GPM6B: variants seen among roughly 807,000 people sequenced by gnomAD.
GPM6B encodes the protein neuronal membrane glycoprotein M6-b.
In GPM6B, 4 loss-of-function variants were observed where a neutral mutation model predicts 27.2. The observed-to-expected ratio is 0.15, with a 90% CI of 0.07 to 0.34. GPM6B has a LOEUF of 0.34. GPM6B is among the 10% of genes least tolerant of loss of function. The pLI is 1.00. For synonymous variants in GPM6B, 124 were observed against 103.1 expected (o/e 1.20, Z -1.23); for missense variants, 183 against 261.9 (o/e 0.70, Z 2.08).
In GPM6B at chrX:13,839,443, G is replaced by A. The variant is rs1259582069; in HGVS notation, c.-197-53635C>T. On this transcript the variant is annotated intron_variant, in intron 1 of 6. Coordinates refer to the GPM6B transcript ENST00000398361. ...ACCTCTTGAGACTGTGCCTTGGGCCGTGGTCACTCATATTTGGCTCCGAAT... is the reference window on the plus strand; with the variant it reads ...ACCTCTTGAGACTGTGCCTTGGGCCATGGTCACTCATATTTGGCTCCGAAT... Among the ~76,000 whole-genome samples the A allele has an allele frequency of 2.7e-5, 3 of 111,852 alleles. No individual in the cohort carries two copies. The East Asian group carries it at 8.4e-4, about 31-fold the overall frequency.
chrX:13,841,850 T>C (rs2049579913), intron 1 of GPM6B, among the ~76,000 whole-genome samples: 1 of 111,516 alleles, frequency 9.0e-6, no homozygotes, highest in Non-Finnish European at 1.9e-5. Flanking sequence ...ACCCACCATG[T>C]TTCTCTTGGC....
intron 1 of GPM6B, among the ~76,000 whole-genome samples, chrX:13,813,838 C>A (rs975983633): frequency 8.9e-6 from 1 of 112,135 alleles, no homozygotes; most frequent in Non-Finnish European, 1.9e-5. Flanking sequence ...CACTTTAATG[C>A]TTTTAATTTA....
intron 1 of GPM6B, among the ~76,000 whole-genome samples, chrX:13,919,517 A>G (rs2050458082): frequency 8.9e-6 from 1 of 112,370 alleles, no homozygotes; most frequent in Non-Finnish European, 1.9e-5. Flanking sequence ...AGATCCAAAT[A>G]TATTTAGGAA....
Position 13,841,776 on chromosome X carries a change from C to T in GPM6B, c.-197-55968G>A, listed in dbSNP as rs190490324. Among the ~76,000 whole-genome samples the T allele has an allele frequency of 7.4e-3, 825 of 111,469 alleles. 11 individuals carry two copies. The highest frequency in any genetic ancestry group is 0.026 in the African/African-American group (785 of 30,548). On this transcript the variant is annotated intron_variant, in intron 1 of 6. Coordinates refer to the GPM6B transcript ENST00000398361. Reference sequence around the variant, plus strand: ...TGTTCAACCAATCTACAATGGAACCCCTGCTTAATAGATGGGCTGGCTATC... The same window carrying T: ...TGTTCAACCAATCTACAATGGAACCTCTGCTTAATAGATGGGCTGGCTATC...
At chrX:13,881,258 C>A (rs2050094235) in intron 1 of GPM6B, among the ~76,000 whole-genome samples, 1 of 112,351 alleles carries the variant, frequency 8.9e-6, no homozygotes, top group South Asian at 3.7e-4. Flanking sequence ...GCCTGTAATC[C>A]CAACATTTTG....
At chrX:13,774,863 T>C (rs16979197) in intron 7 of GPM6B, among the ~76,000 whole-genome samples, 1,624 of 111,998 alleles carry the variant, frequency 0.015, 32 homozygotes, top group African/African-American at 0.049. Context: ...TTGGATGCGT[T>C]TCAAGAATAA....
At chrX:13,878,645 A>G (rs1269719936) in intron 1 of GPM6B, among the ~76,000 whole-genome samples, 1 of 111,702 alleles carries the variant, frequency 9.0e-6, no homozygotes, top group Admixed American at 9.5e-5. Context: ...CCACCCCAAG[A>G]TGTCCACATC....
chrX:13,795,404 TG>T (rs1328546081), intron 2 of GPM6B, among the ~76,000 whole-genome samples: 1 of 111,708 alleles, frequency 9.0e-6, no homozygotes, highest in African/African-American at 3.3e-5. Context: ...CATAATTATC[TG>T]CAAAGGCCAT....
At chrX:13,781,941 G>C (rs974798766) in intron 4 of GPM6B, among the ~76,000 whole-genome samples, 10 of 111,822 alleles carry the variant, frequency 8.9e-5, no homozygotes, top group Non-Finnish European at 1.5e-4. Context: ...GGCCTTTGGT[G>C]ATGGAGTGGC....
intron 1 of GPM6B, among the ~76,000 whole-genome samples, chrX:13,853,590 CAAAA>C (rs66531403): frequency 2.6e-5 from 1 of 38,543 alleles, no homozygotes; most frequent in Non-Finnish European, 4.3e-5. Context: ...GACACCACCT[CAAAA>C]AAAAAAAAAA....
intron 1 of GPM6B, among the ~76,000 whole-genome samples, chrX:13,837,657 C>G (rs1485088140): frequency 9.4e-6 from 1 of 106,246 alleles, no homozygotes; most frequent in African/African-American, 3.4e-5. Context: ...TAGCATATTC[C>G]CCCCCTCCAC....
rs183040465 is a variant in GPM6B at position 13,850,023 on chromosome X, C to T, written c.-197-64215G>A. ...GCAGTGAGCCGAGATGGCATCACTG[C>T]GCTCCAGCCTGGGTGACAGAGCAAG... On this transcript the variant is annotated intron_variant, in intron 1 of 6. Coordinates refer to the GPM6B transcript ENST00000398361. 7.3e-3 allele frequency among the ~76,000 whole-genome samples: 811 copies of T among 111,671 alleles called. 11 individuals are homozygous for T. Among genetic ancestry groups the T allele is most frequent in the African/African-American group, 0.025 (762 of 30,706 alleles).
At chrX:13,860,857 C>T (rs1377970296) in intron 1 of GPM6B, among the ~76,000 whole-genome samples, 1 of 108,888 alleles carries the variant, frequency 9.2e-6, no homozygotes, top group Admixed American at 1.0e-4. Flanking sequence ...AACTTAGCTC[C>T]CACATACAAC....
intron 1 of GPM6B, among the ~76,000 whole-genome samples, chrX:13,848,088 C>T (rs2049671439): frequency 8.9e-6 from 1 of 111,967 alleles, no homozygotes; most frequent in African/African-American, 3.2e-5. Context: ...GGACTTCCTC[C>T]TAGTGATTGT....
At chrX:13,848,196 A>C (rs913979277) in intron 1 of GPM6B, among the ~76,000 whole-genome samples, 1 of 111,947 alleles carries the variant, frequency 8.9e-6, no homozygotes, top group Non-Finnish European at 1.9e-5. Context: ...AAAGACCCAG[A>C]TCCTTTGTCC....
chrX:13,773,116 TA>T (rs2048330803), intron 7 of GPM6B, 86 bp from the exon 8 acceptor site: 2 of 836,670 alleles, frequency 2.4e-6, no homozygotes, highest in Non-Finnish European at 1.7e-6. Flanking sequence ...GACTTGACTT[TA>T]AAGGGGCGAA....
rs188299583 is a variant in GPM6B, at chrX:13,856,585, C to T, written c.-197-70777G>A. Reference sequence around the variant, plus strand: ...TCCTATGGCTGTTGTAACGAATGACCACGGATTTAATCGCTTAAAACAATG... The same window carrying T: ...TCCTATGGCTGTTGTAACGAATGACTACGGATTTAATCGCTTAAAACAATG... On this transcript the variant is annotated intron_variant, in intron 1 of 6. Coordinates refer to the GPM6B transcript ENST00000398361. Among the ~76,000 whole-genome samples the T allele has an allele frequency of 1.7e-3, 190 of 112,284 alleles. 2 individuals carry two copies. Among genetic ancestry groups the T allele is most frequent in the Non-Finnish European group, 2.4e-3 (130 of 53,204 alleles).
intron 1 of GPM6B, among the ~76,000 whole-genome samples, chrX:13,822,815 T>C (rs2049326392): frequency 8.9e-6 from 1 of 111,998 alleles, no homozygotes; most frequent in South Asian, 3.7e-4. Context: ...ACAGAAAAGA[T>C]ACTTTTTATA....
intron 1 of GPM6B, among the ~76,000 whole-genome samples, chrX:13,859,922 C>T (rs1254616637): frequency 8.9e-6 from 1 of 111,799 alleles, no homozygotes; most frequent in Non-Finnish European, 1.9e-5. Context: ...GAATAGGGCA[C>T]CTCACTAATG....
Sources: allele counts gnomAD v4.1 joint callset (sites outside exome capture counted in the v4.1 genomes callset), GRCh38; gene constraint gnomAD v4.1.1; transcripts MANE v1.5; gene names NCBI Gene and HGNC (gene_info 2026-07-23, HGNC 2026-07-21).